ZNF676: variants seen among roughly 807,000 people sequenced by gnomAD.
ZNF676 encodes zinc finger protein 676.
ZNF676 carries 4 observed loss-of-function variants against 6.0 expected under a neutral mutation model. That is an observed-to-expected ratio of 0.67 (90% CI 0.33 to 1.53). ZNF676 has a LOEUF of 1.53. ZNF676 is among the 40% of genes most tolerant of loss of function. ZNF676 has a pLI of 0.06. For synonymous variants in ZNF676, 198 were observed against 223.1 expected (o/e 0.89, Z 1.00); for missense variants, 644 against 679.7 (o/e 0.95, Z 0.58).
At chr19:22,257,702 G>A in the ZNF676 span, among the ~76,000 whole-genome samples, 1 of 151,126 alleles carries the variant, frequency 6.6e-6, no homozygotes, top group Admixed American at 6.6e-5. Context: ...GTTTCTTATT[G>A]GGCAGAGCAC....
chr19:22,197,395 T>C (rs758236659), upstream of ZNF676, among the ~76,000 whole-genome samples: 6 of 151,720 alleles, frequency 4.0e-5, no homozygotes, highest in African/African-American at 1.5e-4. Flanking sequence ...TCAGATGGAA[T>C]AGACATGTTG....
At chr19:22,232,067 T>C in the ZNF676 span, among the ~76,000 whole-genome samples, 9 of 152,232 alleles carry the variant, frequency 5.9e-5, no homozygotes, top group African/African-American at 1.9e-4. Context: ...AGTGTGTGTA[T>C]GTGTATCTCA....
At chr19:22,182,212 C>T (rs1358902836) in intron 2 of ZNF676, among the ~76,000 whole-genome samples, 1 of 151,938 alleles carries the variant, frequency 6.6e-6, no homozygotes, top group Non-Finnish European at 1.5e-5. Flanking sequence ...AAATTTCAGA[C>T]AAGACAAACC....
the ZNF676 span, among the ~76,000 whole-genome samples, chr19:22,238,044 C>T: frequency 6.6e-6 from 1 of 152,138 alleles, no homozygotes; most frequent in African/African-American, 2.4e-5. Context: ...GATAGAATGC[C>T]TGAGTTCATC....
At chr19:22,223,078 A>G in the ZNF676 span, among the ~76,000 whole-genome samples, 2 of 152,096 alleles carry the variant, frequency 1.3e-5, no homozygotes, top group Non-Finnish European at 2.9e-5. Context: ...AGGCCTCTGG[A>G]AGGGCAGAAG....
At chr19:22,211,398 G>C (rs573906586) in intron 1 of ZNF676, among the ~76,000 whole-genome samples, 1 of 152,188 alleles carries the variant, frequency 6.6e-6, no homozygotes, top group Non-Finnish European at 1.5e-5. Flanking sequence ...TGCAGTCATT[G>C]GGCTCAAGCT....
At chr19:22,226,791 G>T in the ZNF676 span, among the ~76,000 whole-genome samples, 4 of 151,832 alleles carry the variant, frequency 2.6e-5, no homozygotes, top group Admixed American at 2.0e-4. Context: ...TAGAGACGAG[G>T]TTTCACCATG....
At position 22,203,593 on chromosome 19, in the gene ZNF676, A is replaced by T. The variant is rs531941680; in HGVS notation, c.4-6867T>A. 2.0e-5 allele frequency: 3 copies of T among 151,054 alleles called. No homozygotes were observed. In the East Asian group the frequency reaches 5.8e-4, roughly 29 times the overall value. 9.4% of individuals were successfully genotyped at this position (151,054 alleles called of 1,614,324 possible). A position where few individuals can be genotyped will look rare whatever the true frequency, so the allele number is the denominator to read the frequency against. ...TATTGAATAAAGGGGGTATATTCTC[A>T]GCACAATTTTTTTTTTTTGAGATGG... On this transcript the variant is annotated intron_variant, in intron 1 of 3. Transcript: ENST00000650058.
In ZNF676 at chr19:22,179,818, G is replaced by A; in HGVS notation, c.*132C>T. ...CTCTCCAGCATGAATTTTCTTATGT[G>A]TAATAAAGATTGAGGACTGTTTAAA... On this transcript the variant is annotated 3_prime_UTR_variant, in exon 3 of 3. Coordinates refer to ENST00000397121, the MANE Select transcript of ZNF676 (RefSeq NM_001001411.3). 1 of 1,023,860 alleles carries A rather than the reference G, an allele frequency of 9.8e-7. No individual in the cohort carries two copies. Among genetic ancestry groups the A allele is most frequent in the Non-Finnish European group, 1.5e-6 (1 of 668,444 alleles). 63.4% of individuals were successfully genotyped at this position (1,023,860 alleles called of 1,614,324 possible). A position where few individuals can be genotyped will look rare whatever the true frequency, so the allele number is the denominator to read the frequency against.
the ZNF676 span, among the ~76,000 whole-genome samples, chr19:22,250,458 T>C: frequency 6.6e-6 from 1 of 152,178 alleles, no homozygotes; most frequent in South Asian, 2.1e-4. Flanking sequence ...TCTCACTCTG[T>C]TGCCCAGGCT....
rs1185490032 is a variant in ZNF676, at chr19:22,183,982, G to A, written c.131-2396C>T. 8.5e-5 allele frequency among the ~76,000 whole-genome samples: 13 copies of A among 152,122 alleles called. No individual in the cohort carries two copies. In the East Asian group the frequency reaches 2.3e-3, roughly 27 times the overall value. ...TAAAGCAAATATTGATAGAATAGAAGAAACACAAGGAGATCAATATAATTA... is the reference window on the plus strand; with the variant it reads ...TAAAGCAAATATTGATAGAATAGAAAAAACACAAGGAGATCAATATAATTA... On this transcript the variant is annotated intron_variant, in intron 2 of 2. Coordinates refer to ENST00000397121, the MANE Select transcript of ZNF676 (RefSeq NM_001001411.3).
the ZNF676 span, among the ~76,000 whole-genome samples, chr19:22,253,409 TA>T: frequency 1.5e-5 from 1 of 67,186 alleles, no homozygotes; most frequent in Non-Finnish European, 3.7e-5. Context: ...AATGTGTATA[TA>T]TATATATGAT....
the ZNF676 span, among the ~76,000 whole-genome samples, chr19:22,224,279 T>C: frequency 6.6e-6 from 1 of 151,436 alleles, no homozygotes; most frequent in Non-Finnish European, 1.5e-5. Context: ...TCAGTGAATT[T>C]TTTTTGTTTT....
At chr19:22,184,826 G>GGA (rs2023811327) in intron 2 of ZNF676, among the ~76,000 whole-genome samples, 2 of 52,682 alleles carry the variant, frequency 3.8e-5, no homozygotes, top group Non-Finnish European at 3.4e-5. Context: ...GGGCATCTTT[G>GGA]AAAAAAAAAA....
At chr19:22,188,351 G>A (rs1213341103) in intron 2 of ZNF676, among the ~76,000 whole-genome samples, 1 of 152,140 alleles carries the variant, frequency 6.6e-6, no homozygotes, top group Non-Finnish European at 1.5e-5. Flanking sequence ...AGGTAGAGAT[G>A]GAACATATCT....
At chr19:22,199,869 A>G (rs112408934), upstream of ZNF676, among the ~76,000 whole-genome samples, 809 of 152,350 alleles carry the variant, frequency 5.3e-3, 5 homozygotes, top group African/African-American at 0.018. Context: ...GTAAGATTCT[A>G]TAATACATAC....
At chr19:22,198,807 G>A (rs2023997341), upstream of ZNF676, among the ~76,000 whole-genome samples, 1 of 152,020 alleles carries the variant, frequency 6.6e-6, no homozygotes, top group Non-Finnish European at 1.5e-5. Context: ...ACAGGCACCA[G>A]CAATTTCTGC....
At chr19:22,197,130 C>G (rs538444906), upstream of ZNF676, among the ~76,000 whole-genome samples, 2 of 152,072 alleles carry the variant, frequency 1.3e-5, no homozygotes, top group South Asian at 2.1e-4. Context: ...CGAGACCAGC[C>G]TGACCAACAT....
the ZNF676 span, among the ~76,000 whole-genome samples, chr19:22,253,399 AATGTG>A: frequency 0.032 from 1,268 of 40,242 alleles, 15 homozygotes; most frequent in African/African-American, 0.067. Flanking sequence ...TATATATGAT[AATGTG>A]TATATATATA....
Sources: allele counts gnomAD v4.1 joint callset (sites outside exome capture counted in the v4.1 genomes callset), GRCh38; gene constraint gnomAD v4.1.1; transcripts MANE v1.5; gene names NCBI Gene and HGNC (gene_info 2026-07-23, HGNC 2026-07-21).